HDAC4: variants seen among roughly 807,000 people sequenced by gnomAD.
HDAC4 encodes histone deacetylase A.
In HDAC4, 16 loss-of-function variants were observed where a neutral mutation model predicts 135.1. That is an observed-to-expected ratio of 0.12 (90% CI 0.08 to 0.18). HDAC4 has a LOEUF of 0.18. Among genes scored for constraint, HDAC4 ranks in the 10% least tolerant of loss-of-function variants. The pLI is 1.00. For synonymous variants in HDAC4, 685 were observed against 653.4 expected, an observed-to-expected ratio of 1.05 and a Z score of -0.74; for missense variants, 1,143 against 1,511.8, an observed-to-expected ratio of 0.76 and a Z score of 4.05.
chr2:239,054,886 G>A (rs1471877279), intron 24 of HDAC4, 53 bp from the exon 25 acceptor site: 26 of 1,196,286 alleles, frequency 2.2e-5, no homozygotes, highest in South Asian at 7.3e-5. Flanking sequence ...CCACACGTGC[G>A]TTAGACGGGT....
intron 2 of HDAC4, among the ~76,000 whole-genome samples, chr2:239,276,577 T>C (rs183640782): frequency 8.7e-4 from 132 of 152,328 alleles, no homozygotes; most frequent in African/African-American, 3.1e-3. Flanking sequence ...GAGACACCGA[T>C]ACACCGCAGA....
At chr2:239,376,701 C>T (rs894385144) in intron 1 of HDAC4, among the ~76,000 whole-genome samples, 4 of 152,136 alleles carry the variant, frequency 2.6e-5, no homozygotes, top group Non-Finnish European at 4.4e-5. Flanking sequence ...TTCCTGAATA[C>T]AGCCTGAGTG....
chr2:239,050,865 C>A lies in HDAC4; in HGVS notation c.*2232G>T, dbSNP rs13393217. The A allele has an allele frequency of 0.12, 18,210 of 152,566 alleles. 1,212 individuals are homozygous for A. Among genetic ancestry groups the A allele is most frequent in the Non-Finnish European group, 0.15 (10,313 of 67,986 alleles). 9.5% of individuals were successfully genotyped at this position (152,566 alleles called of 1,614,324 possible). On this transcript the variant is annotated 3_prime_UTR_variant, in exon 27 of 27. Transcript: ENST00000543185. ...GTAAAGACTGGCTGTCCTGGTCAGG[C>A]AATCATACCCTCCCTGCAGGTTCAC...
At chr2:239,194,123 TGGA>T (rs1490744840) in intron 3 of HDAC4, among the ~76,000 whole-genome samples, 3 of 152,106 alleles carry the variant, frequency 2.0e-5, no homozygotes, top group Admixed American at 1.3e-4. Flanking sequence ...TCATTGAGCG[TGGA>T]GGAGATGCGC....
intron 1 of HDAC4, among the ~76,000 whole-genome samples, chr2:239,389,025 G>A (rs1454361941): frequency 6.6e-6 from 1 of 152,220 alleles, no homozygotes; most frequent in Non-Finnish European, 1.5e-5. Flanking sequence ...GAGAGGTGAA[G>A]CCAGCTGGAC....
At chr2:239,102,420 T>C (rs1296071473) in intron 16 of HDAC4, among the ~76,000 whole-genome samples, 3 of 152,214 alleles carry the variant, frequency 2.0e-5, no homozygotes, top group Non-Finnish European at 4.4e-5. Flanking sequence ...CTCCTGGTCT[T>C]GCTCTGATGG....
chr2:239,159,420 CAA>C (rs1368384782), intron 6 of HDAC4, among the ~76,000 whole-genome samples: 2 of 146,404 alleles, frequency 1.4e-5, no homozygotes, highest in Admixed American at 6.8e-5. Context: ...TCACCTTACA[CAA>C]ACTCATGCCT....
chr2:239,320,966 C>T (rs1030432902), intron 2 of HDAC4, among the ~76,000 whole-genome samples: 2 of 152,160 alleles, frequency 1.3e-5, no homozygotes, highest in African/African-American at 4.8e-5. Flanking sequence ...CTCATATTTA[C>T]ATGATTTATA....
intron 2 of HDAC4, among the ~76,000 whole-genome samples, chr2:239,258,727 T>A (rs182910961): frequency 1.3e-4 from 20 of 152,252 alleles, no homozygotes; most frequent in African/African-American, 4.8e-4. Context: ...GAAATGAATA[T>A]TGACAAATAA....
In HDAC4 at chr2:239,331,926, G is replaced by A. The variant is rs1398930508; in HGVS notation, c.22+20752C>T. ...GGAGAGCCCCGTGCCAGGAGTGAGG[G>A]CAACACGGACCTGACCAGTCCTCAC... On this transcript the variant is annotated intron_variant, in intron 2 of 26. Coordinates refer to ENST00000543185, the MANE Select transcript of HDAC4 (RefSeq NM_001378414.1). The surrounding 1 kb of genome is among the most constrained non-coding windows in gnomAD (Gnocchi z 4.5). 1.3e-5 allele frequency among the ~76,000 whole-genome samples: 2 copies of A among 152,154 alleles called. No individual in the cohort carries two copies. The highest frequency in any genetic ancestry group is 2.4e-5 in the African/African-American group (1 of 41,434).
At chr2:239,385,920 G>A (rs1179168162) in intron 1 of HDAC4, among the ~76,000 whole-genome samples, 2 of 152,288 alleles carry the variant, frequency 1.3e-5, no homozygotes, top group Middle Eastern at 3.4e-3. Context: ...AACAAGCCCC[G>A]GAGGCAAGGT....
chr2:239,107,729 C>T (rs556718501), intron 15 of HDAC4, among the ~76,000 whole-genome samples: 2 of 152,324 alleles, frequency 1.3e-5, no homozygotes, highest in Admixed American at 1.3e-4. Context: ...GGAAGTGACC[C>T]GGAGGCAGAA....
At chr2:239,187,908 G>A (rs2044661409) in intron 4 of HDAC4, among the ~76,000 whole-genome samples, 1 of 152,198 alleles carries the variant, frequency 6.6e-6, no homozygotes, top group African/African-American at 2.4e-5. Context: ...ATAAAGCATG[G>A]ACTTCAAGAG....
At chr2:239,196,222 A>G (rs548966668) in intron 3 of HDAC4, among the ~76,000 whole-genome samples, 1 of 152,312 alleles carries the variant, frequency 6.6e-6, no homozygotes, top group Admixed American at 6.5e-5. Flanking sequence ...TGACTTAGCT[A>G]CAATGTCCTT....
chr2:239,114,599 C>T (rs2038964081), intron 13 of HDAC4, among the ~76,000 whole-genome samples: 2 of 152,186 alleles, frequency 1.3e-5, no homozygotes, highest in Non-Finnish European at 2.9e-5. Context: ...CAATCGCACC[C>T]GTCTGTCTGG....
intron 4 of HDAC4, among the ~76,000 whole-genome samples, chr2:239,179,692 A>AG (rs1366164944): frequency 6.6e-6 from 1 of 152,242 alleles, no homozygotes; most frequent in African/African-American, 2.4e-5. Flanking sequence ...AAAGTGGCTG[A>AG]GGGGTAGGAA....
intron 5 of HDAC4, among the ~76,000 whole-genome samples, chr2:239,171,751 C>T (rs2043467164): frequency 1.3e-5 from 2 of 152,092 alleles, no homozygotes; most frequent in East Asian, 1.9e-4. Flanking sequence ...TTAAAAATAG[C>T]TAGGGAAGAA....
At position 239,179,810 on chromosome 2, in the gene HDAC4, C is replaced by T. The variant is rs188562414; in HGVS notation, c.340-3247G>A. Among the ~76,000 whole-genome samples the T allele has an allele frequency of 6.4e-4, 97 of 152,368 alleles. No homozygotes were observed. In the Middle Eastern group the frequency reaches 0.02, roughly 32 times the overall value. ...AGGTGCCACAGCCTGAGAGCCCACG[C>T]GGCGTGCTCAGGGTGGGAGGCGGCA... is the stretch of plus-strand genomic sequence containing the variant. On this transcript the variant is annotated intron_variant, in intron 4 of 26. Coordinates refer to ENST00000543185, the MANE Select transcript of HDAC4 (RefSeq NM_001378414.1).
intron 1 of HDAC4, among the ~76,000 whole-genome samples, chr2:239,369,357 C>T (rs947961497): frequency 2.0e-5 from 3 of 152,208 alleles, no homozygotes; most frequent in African/African-American, 7.2e-5. Flanking sequence ...GACTGCCCGG[C>T]GGGGGGTGGG....
Sources: gnomAD v4.1 joint callset for allele counts (sites outside exome capture counted in the v4.1 genomes callset) on GRCh38, gnomAD v4.1.1 for gene constraint, Gnocchi (gnomAD v3.1) non-coding constraint, MANE v1.5 for transcripts, NCBI Gene and HGNC (gene_info 2026-07-23, HGNC 2026-07-21) for gene names.